Variants in WEE1 observed in about 807,000 individuals in gnomAD.
The protein encoded by WEE1 is WEE1 G2 checkpoint kinase.
In WEE1, 16 loss-of-function variants were observed where a neutral mutation model predicts 68.8. That is an observed-to-expected ratio of 0.23 (90% CI 0.16 to 0.35). The LOEUF (loss-of-function observed/expected upper bound fraction) is 0.35. Ranked by LOEUF, WEE1 falls within the 10% of genes least tolerant of loss-of-function variation. WEE1 has a pLI of 1.00. For synonymous variants in WEE1, 349 were observed against 318.7 expected, an observed-to-expected ratio of 1.09 and a Z score of -1.01; for missense variants, 651 against 824.1, an observed-to-expected ratio of 0.79 and a Z score of 2.57.
rs929380682 is a variant in WEE1, at chr11:9,588,673, C to T, written c.*71C>T. The T allele has an allele frequency of 4.6e-5, 65 of 1,404,514 alleles. No individual in the cohort carries two copies. The highest frequency in any genetic ancestry group is 5.8e-5 in the Non-Finnish European group (62 of 1,077,724). The allele number at this position is 1,404,514 out of a possible 1,614,324, so 87.0% of individuals were successfully genotyped here. ...CTAGGTTGAAATCACTGATAGAATC[C>T]AGTTTGCAATTACTTTCTCGATTGG... On this transcript the variant is annotated 3_prime_UTR_variant, in exon 11 of 11. Coordinates refer to ENST00000450114, the MANE Select transcript of WEE1 (RefSeq NM_003390.4).
chr11:9,574,314 G>A lies in WEE1; in HGVS notation c.381G>A (p.Ser127=). 2 of 1,269,266 alleles carry A rather than the reference G, an allele frequency of 1.6e-6. No homozygotes were observed. Among genetic ancestry groups the A allele is most frequent in the South Asian group, 3.0e-5 (1 of 33,664 alleles). The allele number at this position is 1,269,266 out of a possible 1,614,324, so 78.6% of individuals were successfully genotyped here. A position where few individuals can be genotyped will look rare whatever the true frequency, so the allele number is the denominator to read the frequency against. ...TCGGCTCCTCGTCGCCGGTCAAGTC[G>A]CCGGCGGCCCCCTACTTCCTGGGTA... The part of the protein sequence containing the change: ...EGFGSSSPVK[S]PAAPYFLGSS... The change falls in exon 1 of 11, where the codon TCG becomes TCA. Residue 127 remains serine, a synonymous_variant. Transcript: ENST00000450114. This position sits in a 1 kb window ranked among gnomAD's most constrained non-coding sequence, Gnocchi z 4.9.
chr11:9,574,391 G>C lies in WEE1; in HGVS notation c.458G>C (p.Gly153Ala). The C allele has an allele frequency of 1.6e-6, 2 of 1,214,990 alleles. No homozygotes were observed. The highest frequency in any genetic ancestry group is 2.0e-6 in the Non-Finnish European group (2 of 980,942). The allele number at this position is 1,214,990 out of a possible 1,614,324, so 75.3% of individuals were successfully genotyped here. ...GGCCCAGGAGATGCGTCGCCGCGGG[G>C]TTGCGGGGCGCGCCGGGCGGGCGAA... is the stretch of plus-strand genomic sequence containing the variant. ...CGGPGDASPR[G>A]CGARRAGEGR... is the part of the protein sequence containing the mutation. The change falls in exon 1 of 11, where the codon GGT (glycine) becomes GCT (alanine). Residue 153 changes from glycine (G) to alanine (A), a missense_variant. By Grantham distance (60) the Gly-to-Ala change is moderately conservative. Around this residue, in one of 5 missense-constraint regions of WEE1, gnomAD observed 395 missense variants for 378.4 expected, o/e 1.04. Coordinates refer to ENST00000450114, the MANE Select transcript of WEE1 (RefSeq NM_003390.4). The surrounding 1 kb of genome is among the most constrained non-coding windows in gnomAD (Gnocchi z 4.9).
chr11:9,576,458 T>TA lies in WEE1; in HGVS notation c.847-28dup. 1 of 1,597,464 alleles carries TA rather than the reference T, an allele frequency of 6.3e-7. No individual in the cohort carries two copies. The highest frequency in any genetic ancestry group is 8.5e-7 in the Non-Finnish European group (1 of 1,172,572). ...AATAACTGTTTTCGTATATTTGTAT[T>TA]ACATATATGGAAACACTTTTTATTA... On this transcript the variant is annotated intron_variant, in intron 3 of 10. Transcript: ENST00000450114. This position sits in a 1 kb window ranked among gnomAD's most constrained non-coding sequence, Gnocchi z 4.3.
intron 6 of WEE1, 104 bp from the exon 7 acceptor site, chr11:9,585,154 T>A (rs1849686110): frequency 3.4e-6 from 3 of 889,236 alleles, no homozygotes; most frequent in Admixed American, 2.2e-5. Flanking sequence ...AACTTGAGAA[T>A]CGGCATTTTA....
At chr11:9,578,446 C>T (rs1849586930) in intron 5 of WEE1, 1 of 152,322 alleles carries the variant, frequency 6.6e-6, no homozygotes, top group East Asian at 1.9e-4. Context: ...AGCCTTGCTG[C>T]TAGTTTTTTT....
At chr11:9,577,963 A>C (rs958053224) in intron 5 of WEE1, 1 of 449,644 alleles carries the variant, frequency 2.2e-6, no homozygotes, top group South Asian at 1.6e-5. Context: ...AGTCTTGGTC[A>C]GAATTCTGGT....
At chr11:9,583,244 C>T (rs1448733999) in intron 6 of WEE1, among the ~76,000 whole-genome samples, 2 of 146,024 alleles carry the variant, frequency 1.4e-5, no homozygotes, top group African/African-American at 2.5e-5. Context: ...ACCCGGGAGG[C>T]GGAGGTTGCA....
chr11:9,575,251 T>G, intron 1 of WEE1: 1 of 985,760 alleles, frequency 1.0e-6, no homozygotes, highest in Non-Finnish European at 1.2e-6. Flanking sequence ...CACCTGTGTT[T>G]TGAAAGGCCT....
In WEE1 at chr11:9,585,437, T is replaced by C. The variant is rs1465809687; in HGVS notation, c.1385-5T>C. On this transcript the variant is annotated splice_region_variant and splice_polypyrimidine_tract_variant and intron_variant, in intron 7 of 10. Transcript: ENST00000450114. ...TCTTCACTGTAAGTTTTTCAATACTTCTAGGTGATCTTGGGCATGTAACAA... is the reference window on the plus strand; with the variant it reads ...TCTTCACTGTAAGTTTTTCAATACTCCTAGGTGATCTTGGGCATGTAACAA... 1.2e-6 allele frequency: 2 copies of C among 1,608,282 alleles called. No individual in the cohort carries two copies. The highest frequency in any genetic ancestry group is 2.2e-5 in the East Asian group (1 of 44,848).
intron 6 of WEE1, among the ~76,000 whole-genome samples, chr11:9,582,217 G>T (rs1170942579): frequency 6.6e-6 from 1 of 152,194 alleles, no homozygotes; most frequent in Non-Finnish European, 1.5e-5. Context: ...TCTACTTAAG[G>T]ATCATGCATT....
At position 9,574,147 on chromosome 11, in the gene WEE1, G is replaced by C. The variant is rs1274512411; in HGVS notation, c.214G>C (p.Gly72Arg). The C allele has an allele frequency of 6.7e-6, 8 of 1,195,252 alleles. No homozygotes were observed. In the African/African-American group the frequency reaches 1.1e-4, roughly 17 times the overall value. 74.0% of individuals were successfully genotyped at this position (1,195,252 alleles called of 1,614,324 possible). A position where few individuals can be genotyped will look rare whatever the true frequency, so the allele number is the denominator to read the frequency against. Reference sequence around the variant, plus strand: ...GCCCGCGCGGAGCCCCACGGAGCCCGGGCCCGAGCGCCGCCGCTCGCCCGG... The same window carrying C: ...GCCCGCGCGGAGCCCCACGGAGCCCCGGCCCGAGCGCCGCCGCTCGCCCGG... ...LPPARSPTEP[G>R]PERRRSPGPA... The change falls in exon 1 of 11, where the codon GGG becomes CGG. Residue 72 changes from glycine (G) to arginine (R), a missense_variant. Transcript: ENST00000450114. This position sits in a 1 kb window ranked among gnomAD's most constrained non-coding sequence, Gnocchi z 4.9.
chr11:9,586,528 C>T lies in WEE1; in HGVS notation c.1550C>T (p.Pro517Leu), dbSNP rs1380981911. The T allele has an allele frequency of 1.9e-6, 3 of 1,614,024 alleles. No individual in the cohort carries two copies. Among genetic ancestry groups the T allele is most frequent in the East Asian group, 2.2e-5 (1 of 44,870 alleles). The change falls in exon 9 of 11, where the codon CCG (proline) becomes CTG (leucine). Residue 517 changes from proline (P) to leucine (L), a missense_variant. Pro to Leu is a moderately conservative substitution (Grantham distance 98). Transcript: ENST00000450114. ...TGTGCTGCTGGTGCTGAACCTCTTC[C>T]GAGAAATGGAGATCAATGGCATGAA... ...VVCAAGAEPL[P>L]RNGDQWHEIR...
Position 9,587,041 on chromosome 11 carries a change from A to G in WEE1, c.1787+185A>G, listed in dbSNP as rs142338702. 5.8e-3 allele frequency among the ~76,000 whole-genome samples: 884 copies of G among 151,984 alleles called. 11 individuals are homozygous for G. Among genetic ancestry groups the G allele is most frequent in the African/African-American group, 0.02 (834 of 41,434 alleles). Reference sequence around the variant, plus strand: ...ACTGGTGCTATCATGACTCATTGCAACCTCCACCTCCTGGGCTCAAGCTAT... The same window carrying G: ...ACTGGTGCTATCATGACTCATTGCAGCCTCCACCTCCTGGGCTCAAGCTAT... On this transcript the variant is annotated intron_variant, in intron 10 of 10. Coordinates refer to ENST00000450114, the MANE Select transcript of WEE1 (RefSeq NM_003390.4).
rs1231132809 is a variant in WEE1 at position 9,574,081 on chromosome 11, G to T, written c.148G>T (p.Gly50Trp). The T allele has an allele frequency of 2.4e-6, 3 of 1,237,568 alleles. No individual in the cohort carries two copies. The highest frequency in any genetic ancestry group is 3.0e-6 in the Non-Finnish European group (3 of 989,584). 76.7% of individuals were successfully genotyped at this position (1,237,568 alleles called of 1,614,324 possible). Residue 50 changes from glycine (G) to tryptophan (W), a missense_variant, in exon 1 of 11, where the codon GGG (glycine) becomes TGG (tryptophan). Transcript: ENST00000450114. This position sits in a 1 kb window ranked among gnomAD's most constrained non-coding sequence, Gnocchi z 4.9. ...GGAGGAGGGCAGCGGCCACAGCACCGGGGAGGACTCGGCCTTTCAAGAGCC... is the reference window on the plus strand; with the variant it reads ...GGAGGAGGGCAGCGGCCACAGCACCTGGGAGGACTCGGCCTTTCAAGAGCC... Reference protein sequence around the residue: ...EEEEGSGHSTGEDSAFQEPDS... With the variant: ...EEEEGSGHSTWEDSAFQEPDS...
At chr11:9,584,264 T>C (rs945725827) in intron 6 of WEE1, among the ~76,000 whole-genome samples, 1 of 152,120 alleles carries the variant, frequency 6.6e-6, no homozygotes, top group Non-Finnish European at 1.5e-5. Context: ...GACTCACAAG[T>C]AGCTGGGACT....
At position 9,586,607 on chromosome 11, in the gene WEE1, A is replaced by C. The variant is rs897020235; in HGVS notation, c.1629A>C (p.Thr543=). The change falls in exon 9 of 11, where the codon ACA becomes ACC. Residue 543 remains threonine, a synonymous_variant. Coordinates refer to ENST00000450114, the MANE Select transcript of WEE1 (RefSeq NM_003390.4). ...CACAAGTGCTTTCCCAAGAATTTAC[A>C]GAGTTGCTAAAAGTGAGCATTTTAT... ...RIPQVLSQEF[T]ELLKVMIHPD... The C allele has an allele frequency of 6.2e-7, 1 of 1,614,158 alleles. No homozygotes were observed. The highest frequency in any genetic ancestry group is 8.5e-7 in the Non-Finnish European group (1 of 1,180,012).
chr11:9,588,009 A>G (rs1849720757), intron 10 of WEE1, among the ~76,000 whole-genome samples: 2 of 151,532 alleles, frequency 1.3e-5, no homozygotes, highest in South Asian at 4.2e-4. Context: ...TTGTCTGGAA[A>G]TTGTTTATTA....
At position 9,589,140 on chromosome 11, in the gene WEE1, T is replaced by G. The variant is rs1449026053; in HGVS notation, c.*538T>G. 1.0e-6 allele frequency: 1 copy of G among 985,764 alleles called. No individual in the cohort carries two copies. Among genetic ancestry groups the G allele is most frequent in the Non-Finnish European group, 1.2e-6 (1 of 829,946 alleles). The allele number at this position is 985,764 out of a possible 1,614,324, so 61.1% of individuals were successfully genotyped here. A position where few individuals can be genotyped will look rare whatever the true frequency, so the allele number is the denominator to read the frequency against. On this transcript the variant is annotated 3_prime_UTR_variant, in exon 11 of 11. Coordinates refer to ENST00000450114, the MANE Select transcript of WEE1 (RefSeq NM_003390.4). ...ATGATTCTGTGGAGGTATTGCCTTG[T>G]GAATTTGCTGCTATTTTAGTTTTGT... is the stretch of plus-strand genomic sequence containing the variant.
chr11:9,583,761 GCACACACACACA>G (rs1157681380), intron 6 of WEE1, among the ~76,000 whole-genome samples: 7 of 48,954 alleles, frequency 1.4e-4, no homozygotes, highest in East Asian at 1.6e-3. Flanking sequence ...GCACGCGCGC[GCACACACACACA>G]CACACACACA....
Sources: gnomAD v4.1 joint callset for allele counts (sites outside exome capture counted in the v4.1 genomes callset) on GRCh38, gnomAD v4.1.1 for gene constraint, gnomAD v4.1.1 regional missense constraint, Gnocchi (gnomAD v3.1) non-coding constraint, MANE v1.5 for transcripts, NCBI Gene and HGNC (gene_info 2026-07-23, HGNC 2026-07-21) for gene names.